Variants in SLMAP observed in about 807,000 individuals in gnomAD.
SLMAP encodes the protein sarcolemma associated protein.
A neutral mutation model predicts 128.8 loss-of-function variants in SLMAP; 44 were observed. The ratio of observed to expected loss-of-function variants is 0.34; its 90% CI spans 0.27 to 0.44. The LOEUF (loss-of-function observed/expected upper bound fraction) is 0.44. Ranked by LOEUF, SLMAP falls within the 20% of genes least tolerant of loss-of-function variation. The pLI is 1.00. For synonymous variants in SLMAP, 327 were observed against 348.8 expected (o/e 0.94, Z 0.70); for missense variants, 787 against 985.3 (o/e 0.80, Z 2.69).
At chr3:57,912,730 T>A (rs2096726432) in intron 20 of SLMAP, 29 bp downstream of exon 20, 1 of 1,540,382 alleles carries the variant, frequency 6.5e-7, no homozygotes, top group Non-Finnish European at 8.9e-7. Context: ...CATAAAGCTG[T>A]TAACTTTTGA....
chr3:57,823,922 T>C (rs2092729114), intron 2 of SLMAP, among the ~76,000 whole-genome samples: 1 of 152,208 alleles, frequency 6.6e-6, no homozygotes, highest in African/African-American at 2.4e-5. Flanking sequence ...CTAACTGGTG[T>C]GAGATGGTAT....
chr3:57,928,556 T>A lies in SLMAP; in HGVS notation c.*1267T>A, dbSNP rs985143844. 2 of 152,226 alleles carry A rather than the reference T, an allele frequency of 1.3e-5. No homozygotes were observed. Among genetic ancestry groups the A allele is most frequent in the Non-Finnish European group, 2.9e-5 (2 of 68,024 alleles). 9.4% of individuals were successfully genotyped at this position (152,226 alleles called of 1,614,324 possible). A position where few individuals can be genotyped will look rare whatever the true frequency, so the allele number is the denominator to read the frequency against. ...AAAACACTGCTTGATATTATAAATT[T>A]AAAACACAAGTGAAAGTTTAGCCAT... On this transcript the variant is annotated 3_prime_UTR_variant, in exon 25 of 25. Coordinates refer to ENST00000671191, the MANE Select transcript of SLMAP (RefSeq NM_001377540.1).
chr3:57,842,012 C>T (rs2093959489), intron 4 of SLMAP, among the ~76,000 whole-genome samples: 1 of 152,098 alleles, frequency 6.6e-6, no homozygotes, highest in Non-Finnish European at 1.5e-5. Flanking sequence ...AATCTTTAAA[C>T]TTAACATTTT....
intron 14 of SLMAP, among the ~76,000 whole-genome samples, chr3:57,876,767 G>T (rs564833503): frequency 1.3e-5 from 2 of 152,164 alleles, no homozygotes; most frequent in East Asian, 3.8e-4. Context: ...TAACTTGTAC[G>T]CGTGGTGGAA....
At chr3:57,801,491 CCT>C (rs1484367908) in intron 2 of SLMAP, 4 of 152,340 alleles carry the variant, frequency 2.6e-5, no homozygotes, top group Non-Finnish European at 5.9e-5. Flanking sequence ...TGGGCATCTT[CCT>C]CTCTAATGCA....
intron 3 of SLMAP, among the ~76,000 whole-genome samples, chr3:57,834,461 A>T (rs930245788): frequency 6.6e-6 from 1 of 152,208 alleles, no homozygotes; most frequent in Admixed American, 6.5e-5. Flanking sequence ...AGAGAATCTT[A>T]TATGGCTATC....
intron 5 of SLMAP, among the ~76,000 whole-genome samples, chr3:57,848,652 C>T (rs1306534443): frequency 1.3e-5 from 2 of 149,330 alleles, no homozygotes; most frequent in African/African-American, 4.9e-5. Context: ...TCTTCCTCCT[C>T]CTCCTTCCTT....
At chr3:57,917,284 A>G (rs1559558391) in intron 22 of SLMAP, 2 of 1,311,728 alleles carry the variant, frequency 1.5e-6, no homozygotes, top group African/African-American at 1.5e-5. Flanking sequence ...GGTCTCAAAA[A>G]TATAATATAC....
chr3:57,891,332 A>G (rs1455901922), intron 15 of SLMAP: 1 of 152,044 alleles, frequency 6.6e-6, no homozygotes, highest in Non-Finnish European at 1.5e-5. Context: ...AGTTTTGTGC[A>G]TTACTGATTT....
rs148472328 is a variant in SLMAP, at chr3:57,849,974, G to A, written c.519+158G>A. Among the ~76,000 whole-genome samples, 329 of 152,240 alleles carry A rather than the reference G, an allele frequency of 2.2e-3. 1 individual carries two copies. The highest frequency in any genetic ancestry group is 7.7e-3 in the African/African-American group (319 of 41,530). ...GGATTCTTTGAGGCCAAGAGTTTGA[G>A]ACCAACCTGGGCAATAAAGTGAGAC... On this transcript the variant is annotated intron_variant, in intron 6 of 24. Coordinates refer to ENST00000671191, the MANE Select transcript of SLMAP (RefSeq NM_001377540.1).
chr3:57,811,780 A>T (rs1181203581), intron 2 of SLMAP, among the ~76,000 whole-genome samples: 2 of 152,074 alleles, frequency 1.3e-5, no homozygotes, highest in Non-Finnish European at 2.9e-5. Context: ...AGCTATCCTA[A>T]TGGGTGTGAA....
chr3:57,812,348 T>C (rs1489235621), intron 2 of SLMAP, among the ~76,000 whole-genome samples: 1 of 152,236 alleles, frequency 6.6e-6, no homozygotes, highest in Non-Finnish European at 1.5e-5. Context: ...CATTAAATGA[T>C]CTTGGCACCC....
intron 2 of SLMAP, 75 bp downstream of exon 2, chr3:57,757,924 A>T: frequency 1.6e-6 from 2 of 1,281,710 alleles, no homozygotes; most frequent in Non-Finnish European, 2.2e-6. Flanking sequence ...GAGAGGACTA[A>T]TGTATGCAGG....
At chr3:57,813,749 C>A (rs145003537) in intron 2 of SLMAP, among the ~76,000 whole-genome samples, 6 of 152,160 alleles carry the variant, frequency 3.9e-5, no homozygotes, top group Admixed American at 3.9e-4. Context: ...CTTGAATATC[C>A]ATGGTGGCTT....
chr3:57,802,768 T>A (rs1368106645), intron 2 of SLMAP, among the ~76,000 whole-genome samples: 1 of 152,226 alleles, frequency 6.6e-6, no homozygotes, highest in Admixed American at 6.5e-5. Context: ...TGATGGACAT[T>A]CAGATTGCTT....
At chr3:57,793,896 T>TAA (rs76713113) in intron 2 of SLMAP, among the ~76,000 whole-genome samples, 17 of 130,312 alleles carry the variant, frequency 1.3e-4, no homozygotes, top group African/African-American at 4.3e-4. Context: ...CTATCTTTCT[T>TAA]AAAAAAAAAA....
At chr3:57,850,526 T>C (rs1202243842) in intron 6 of SLMAP, among the ~76,000 whole-genome samples, 1 of 152,100 alleles carries the variant, frequency 6.6e-6, no homozygotes, top group Admixed American at 6.6e-5. Context: ...TCAAGTCTTT[T>C]TCCTGCCTCA....
intron 18 of SLMAP, among the ~76,000 whole-genome samples, chr3:57,908,722 C>G (rs1380089143): frequency 1.3e-5 from 2 of 152,108 alleles, no homozygotes; most frequent in Non-Finnish European, 2.9e-5. Context: ...TTAGTGTTTA[C>G]TATGTGCTTG....
At chr3:57,861,590 G>A (rs1372049682) in intron 9 of SLMAP, among the ~76,000 whole-genome samples, 1 of 152,086 alleles carries the variant, frequency 6.6e-6, no homozygotes, top group African/African-American at 2.4e-5. Flanking sequence ...TAAATTGATT[G>A]CTGGATATTA....
Sources: allele counts gnomAD v4.1 joint callset (sites outside exome capture counted in the v4.1 genomes callset), GRCh38; gene constraint gnomAD v4.1.1; transcripts MANE v1.5; gene names NCBI Gene and HGNC (gene_info 2026-07-23, HGNC 2026-07-21).